Variants in DOCK1 observed in about 807,000 individuals in gnomAD.
DOCK1 encodes dedicator of cytokinesis protein 1.
A neutral mutation model predicts 262.7 loss-of-function variants in DOCK1; 138 were observed. The observed-to-expected ratio is 0.53, with a 90% CI of 0.46 to 0.61. The LOEUF (loss-of-function observed/expected upper bound fraction) is 0.61, where lower values mean the gene tolerates loss of function less well. Ranked by LOEUF, DOCK1 falls within the 20% of genes least tolerant of loss-of-function variation. The probability of loss-of-function intolerance (pLI) is 0.00; values close to 1 mark genes in which losing one functional copy is unlikely to be tolerated. For missense variants in DOCK1, 1,908 were observed against 2,370.7 expected, an observed-to-expected ratio of 0.80 and a Z score of 4.05; for synonymous variants, 866 against 867.4, an observed-to-expected ratio of 1.00 and a Z score of 0.03.
intron 23 of DOCK1, among the ~76,000 whole-genome samples, chr10:127,075,752 G>A (rs2046493584): frequency 2.0e-5 from 3 of 152,232 alleles, no homozygotes; most frequent in South Asian, 2.1e-4. Context: ...GTCTGCCCCC[G>A]TGATTTAGTC....
At chr10:127,077,215 T>C (rs2046617823) in intron 23 of DOCK1, among the ~76,000 whole-genome samples, 1 of 151,920 alleles carries the variant, frequency 6.6e-6, no homozygotes. Flanking sequence ...GCCAACATGG[T>C]GAAGCTCCAT....
chr10:127,361,358 C>G (rs1443854371), intron 32 of DOCK1, among the ~76,000 whole-genome samples: 1 of 152,126 alleles, frequency 6.6e-6, no homozygotes, highest in Non-Finnish European at 1.5e-5. Context: ...TCGTGATCTG[C>G]CCGCCTTGGC....
chr10:127,430,275 G>T (rs982351931), intron 47 of DOCK1, among the ~76,000 whole-genome samples: 8 of 152,166 alleles, frequency 5.3e-5, no homozygotes, highest in African/African-American at 1.9e-4. Flanking sequence ...CTGCCGGGGG[G>T]ACCCATCCCA....
At chr10:127,168,963 CCT>C (rs2054320646) in intron 27 of DOCK1, among the ~76,000 whole-genome samples, 1 of 152,132 alleles carries the variant, frequency 6.6e-6, no homozygotes, top group Non-Finnish European at 1.5e-5. Flanking sequence ...TTTCTTATCC[CCT>C]GACAGGTCTC....
At chr10:127,254,627 G>A (rs2059768830) in intron 28 of DOCK1, among the ~76,000 whole-genome samples, 1 of 152,302 alleles carries the variant, frequency 6.6e-6, no homozygotes, top group South Asian at 2.1e-4. Context: ...GATAATCTTT[G>A]GATAAAACTT....
intron 28 of DOCK1, among the ~76,000 whole-genome samples, chr10:127,252,637 A>C (rs1482736069): frequency 6.6e-6 from 1 of 151,040 alleles, no homozygotes; most frequent in Non-Finnish European, 1.5e-5. Flanking sequence ...CATTTATTAA[A>C]TAGGGAATCC....
chr10:127,056,177 A>ATGCTGC (rs1276756962), intron 22 of DOCK1, among the ~76,000 whole-genome samples: 2 of 151,580 alleles, frequency 1.3e-5, no homozygotes, highest in Non-Finnish European at 2.9e-5. Flanking sequence ...GGAGATCCTG[A>ATGCTGC]TGCTGCTGCT....
chr10:127,237,576 G>A (rs1207768851), intron 27 of DOCK1, among the ~76,000 whole-genome samples: 2 of 152,112 alleles, frequency 1.3e-5, no homozygotes, highest in Non-Finnish European at 2.9e-5. Context: ...GGAGCTTTAT[G>A]TGCAAAAGCA....
Position 127,280,027 on chromosome 10 carries a change from T to C in DOCK1, c.3044+22598T>C, listed in dbSNP as rs2060888935. Among the ~76,000 whole-genome samples, 4 of 142,352 alleles carry C rather than the reference T, an allele frequency of 2.8e-5. No homozygotes were observed. The South Asian group carries it at 8.5e-4, about 30-fold the overall frequency. The allele number at this position is 142,352 out of a possible 152,430, so 93.4% of individuals were successfully genotyped here. ...TTTATTTCATATATATATATATATATATATATAATTTTTTTTTTTTTTTTT... is the reference window on the plus strand; with the variant it reads ...TTTATTTCATATATATATATATATACATATATAATTTTTTTTTTTTTTTTT... On this transcript the variant is annotated intron_variant, in intron 29 of 51. Coordinates refer to ENST00000623213, the MANE Select transcript of DOCK1 (RefSeq NM_001290223.2).
intron 1 of DOCK1, among the ~76,000 whole-genome samples, chr10:126,931,660 C>G (rs2034196859): frequency 6.6e-6 from 1 of 152,100 alleles, no homozygotes; most frequent in South Asian, 2.1e-4. Flanking sequence ...CTCCACATTC[C>G]CATGTATTTC....
chr10:127,012,378 C>G lies in DOCK1; in HGVS notation c.1201+4C>G. 1 of 1,613,440 alleles carries G rather than the reference C, an allele frequency of 6.2e-7. No individual in the cohort carries two copies. Among genetic ancestry groups the G allele is most frequent in the Non-Finnish European group, 8.5e-7 (1 of 1,179,554 alleles). On this transcript the variant is annotated splice_donor_region_variant and intron_variant, in intron 12 of 51. Transcript: ENST00000623213. This position sits in a 1 kb window ranked among gnomAD's most constrained non-coding sequence, Gnocchi z 4.0. ...GAAGTCAACCACAAGGGGCAGGGTA[C>G]GTATTTTCCTATTTTGTTTCTATCA...
At chr10:126,941,580 C>T (rs1050923726) in intron 1 of DOCK1, among the ~76,000 whole-genome samples, 3 of 152,220 alleles carry the variant, frequency 2.0e-5, no homozygotes, top group South Asian at 2.1e-4. Context: ...CACGGTGAAA[C>T]CCTGTCTCTA....
intron 4 of DOCK1, among the ~76,000 whole-genome samples, chr10:126,983,420 C>G (rs1240175506): frequency 6.6e-6 from 1 of 152,208 alleles, no homozygotes; most frequent in Admixed American, 6.5e-5. Context: ...ACGCTTTCAT[C>G]CCACCTCTGC....
intron 12 of DOCK1, among the ~76,000 whole-genome samples, chr10:127,014,606 A>T (rs1159210806): frequency 1.3e-5 from 2 of 152,192 alleles, no homozygotes; most frequent in Admixed American, 6.5e-5. Flanking sequence ...AATCCTTCAA[A>T]GAGCATCTTT....
At chr10:127,393,514 G>A (rs538398495) in intron 38 of DOCK1, among the ~76,000 whole-genome samples, 2 of 152,282 alleles carry the variant, frequency 1.3e-5, no homozygotes, top group African/African-American at 4.8e-5. Flanking sequence ...TGAGCAGGCT[G>A]TTAAGGGAGC....
chr10:127,050,767 TTGTC>T (rs1316838701), intron 21 of DOCK1, among the ~76,000 whole-genome samples: 1 of 152,156 alleles, frequency 6.6e-6, no homozygotes, highest in Non-Finnish European at 1.5e-5. Context: ...ACCCCAAAGT[TTGTC>T]TGTACTAGGC....
At chr10:127,280,182 C>T (rs1052529096) in intron 29 of DOCK1, among the ~76,000 whole-genome samples, 1 of 150,988 alleles carries the variant, frequency 6.6e-6, no homozygotes, top group Non-Finnish European at 1.5e-5. Flanking sequence ...CTACAGGCAC[C>T]CGCCACCGCA....
intron 42 of DOCK1, 105 bp downstream of exon 42, chr10:127,409,496 T>C (rs2067719661): frequency 8.1e-7 from 1 of 1,232,122 alleles, no homozygotes; most frequent in South Asian, 1.3e-5. Context: ...GGCCATGGAT[T>C]CGCTTTCCAA....
intron 1 of DOCK1, among the ~76,000 whole-genome samples, chr10:126,963,786 A>G (rs2037464814): frequency 6.6e-6 from 1 of 151,810 alleles, no homozygotes; most frequent in Non-Finnish European, 1.5e-5. Context: ...GTCAAGTGGA[A>G]GAGGCACAGG....
Sources: gnomAD v4.1 joint callset for allele counts (sites outside exome capture counted in the v4.1 genomes callset) on GRCh38, gnomAD v4.1.1 for gene constraint, Gnocchi (gnomAD v3.1) non-coding constraint, MANE v1.5 for transcripts, NCBI Gene and HGNC (gene_info 2026-07-23, HGNC 2026-07-21) for gene names.